FAM13C: variants seen among roughly 807,000 people sequenced by gnomAD.
FAM13C encodes family with sequence similarity 13 member C.
FAM13C carries 37 observed loss-of-function variants against 73.2 expected under a neutral mutation model. That is an observed-to-expected ratio of 0.51 (90% CI 0.39 to 0.67). The LOEUF (loss-of-function observed/expected upper bound fraction) is 0.67. Ranked by LOEUF, FAM13C falls within the 30% of genes least tolerant of loss-of-function variation. The pLI is 0.00. For missense variants in FAM13C, 589 were observed against 715.6 expected (o/e 0.82, Z 2.02); for synonymous variants, 246 against 260.9 (o/e 0.94, Z 0.55).
chr10:59,323,484 G>A (rs1489806198), intron 4 of FAM13C: 1 of 165,230 alleles, frequency 6.1e-6, no homozygotes, highest in Non-Finnish European at 1.3e-5. Flanking sequence ...GACATTTGTG[G>A]GTTCAAATTC....
At chr10:59,326,588 CA>C (rs1343588840) in intron 3 of FAM13C, among the ~76,000 whole-genome samples, 2 of 152,104 alleles carry the variant, frequency 1.3e-5, no homozygotes, top group Non-Finnish European at 2.9e-5. Flanking sequence ...TTCTTCCTTC[CA>C]GAGATCCTTA....
At chr10:59,272,394 G>A (rs1355014839) in intron 6 of FAM13C, among the ~76,000 whole-genome samples, 1 of 152,252 alleles carries the variant, frequency 6.6e-6, no homozygotes, top group Non-Finnish European at 1.5e-5. Context: ...ATATGTGTGT[G>A]TATTTGTGTA....
intron 4 of FAM13C, among the ~76,000 whole-genome samples, chr10:59,322,905 G>C (rs1850516209): frequency 2.0e-5 from 3 of 152,188 alleles, no homozygotes; most frequent in Admixed American, 1.3e-4. Context: ...GGTCAGGTAA[G>C]AGTAAACACA....
intron 4 of FAM13C, among the ~76,000 whole-genome samples, chr10:59,305,076 C>A (rs779356642): frequency 2.6e-4 from 40 of 152,166 alleles, no homozygotes; most frequent in Non-Finnish European, 4.3e-4. Flanking sequence ...AAATAAATTT[C>A]TTTTCCTTAC....
At chr10:59,264,601 G>A (rs970075916) in intron 8 of FAM13C, among the ~76,000 whole-genome samples, 3 of 152,116 alleles carry the variant, frequency 2.0e-5, no homozygotes, top group African/African-American at 7.2e-5. Flanking sequence ...CTTGCTTGTG[G>A]CTCACACACA....
chr10:59,327,428 G>GCTTA lies in FAM13C; in HGVS notation c.325-3326_325-3323dup, dbSNP rs1851305170. The stretch of plus-strand genomic sequence containing the variant: ...TTAGCCAGATGCATGAGAAGCCAAG[G>GCTTA]CTTACTTCCTTGGTAAGCCCATTTC... On this transcript the variant is annotated intron_variant, in intron 3 of 13. Coordinates refer to ENST00000618804, the MANE Select transcript of FAM13C (RefSeq NM_198215.4). 2.0e-5 allele frequency among the ~76,000 whole-genome samples: 3 copies of GCTTA among 152,196 alleles called. No individual in the cohort carries two copies. In the South Asian group the frequency reaches 6.2e-4, roughly 32 times the overall value.
At chr10:59,292,193 A>G (rs899166149) in intron 5 of FAM13C, among the ~76,000 whole-genome samples, 3 of 152,212 alleles carry the variant, frequency 2.0e-5, no homozygotes, top group Admixed American at 6.5e-5. Context: ...ATGAACTTCA[A>G]TAGTTTCTCA....
chr10:59,310,056 C>T (rs1002487380), intron 4 of FAM13C, among the ~76,000 whole-genome samples: 1 of 152,096 alleles, frequency 6.6e-6, no homozygotes, highest in Non-Finnish European at 1.5e-5. Flanking sequence ...GCTTTTGAAC[C>T]CATGACCTAG....
At chr10:59,284,563 T>A (rs919427038) in intron 5 of FAM13C, among the ~76,000 whole-genome samples, 2 of 140,776 alleles carry the variant, frequency 1.4e-5, no homozygotes, top group Non-Finnish European at 3.1e-5. Flanking sequence ...CCCTGCCACA[T>A]ACACACCCTC....
rs1844891223 is a variant in FAM13C, at chr10:59,281,262, A to G, written c.592+2101T>C. On this transcript the variant is annotated intron_variant, in intron 6 of 13. Transcript: ENST00000618804. The stretch of plus-strand genomic sequence containing the variant: ...CTAGAAATCCATCCCTGAGTTAAGA[A>G]CCATGGATCTGAGCATAAATTTCTT... 1.3e-5 allele frequency among the ~76,000 whole-genome samples: 2 copies of G among 152,158 alleles called. 1 individual carries two copies. Among genetic ancestry groups the G allele is most frequent in the South Asian group, 4.1e-4 (2 of 4,830 alleles).
intron 3 of FAM13C, among the ~76,000 whole-genome samples, chr10:59,327,117 G>A (rs1851254654): frequency 6.6e-6 from 1 of 152,138 alleles, no homozygotes; most frequent in Non-Finnish European, 1.5e-5. Context: ...AGCATGCCCA[G>A]GACAGCCTGG....
chr10:59,276,501 T>C (rs1339333422), intron 6 of FAM13C, among the ~76,000 whole-genome samples: 1 of 152,132 alleles, frequency 6.6e-6, no homozygotes, highest in Non-Finnish European at 1.5e-5. Flanking sequence ...GATAGTATGC[T>C]TTTTCCCATT....
chr10:59,336,954 C>A (rs1852801473), intron 3 of FAM13C, among the ~76,000 whole-genome samples: 2 of 152,172 alleles, frequency 1.3e-5, no homozygotes, highest in African/African-American at 4.8e-5. Context: ...AATTAGGTGG[C>A]AGCTCTTGAG....
At chr10:59,337,495 T>C (rs916283977) in intron 3 of FAM13C, among the ~76,000 whole-genome samples, 3 of 152,172 alleles carry the variant, frequency 2.0e-5, no homozygotes, top group African/African-American at 7.2e-5. Context: ...AGCAACTGAC[T>C]GGCTAGCTTA....
chr10:59,304,439 T>A (rs929299697), intron 4 of FAM13C, among the ~76,000 whole-genome samples: 7 of 152,150 alleles, frequency 4.6e-5, no homozygotes, highest in Non-Finnish European at 1.0e-4. Flanking sequence ...TCTAGGCCTG[T>A]GTCCTAAATC....
intron 8 of FAM13C, among the ~76,000 whole-genome samples, chr10:59,268,225 AAAAG>A (rs1435299252): frequency 7.0e-6 from 1 of 141,962 alleles, no homozygotes; most frequent in Non-Finnish European, 1.5e-5. Context: ...AGAAAAAAGA[AAAAG>A]AAGAAGAAGA....
At chr10:59,354,305 A>G (rs1438467168) in intron 2 of FAM13C, among the ~76,000 whole-genome samples, 1 of 152,198 alleles carries the variant, frequency 6.6e-6, no homozygotes, top group Non-Finnish European at 1.5e-5. Flanking sequence ...TCTTTCTTGC[A>G]TTACACAAAC....
intron 1 of FAM13C, chr10:59,361,240 G>A (rs1856376419): frequency 4.2e-6 from 2 of 479,900 alleles, no homozygotes; most frequent in Non-Finnish European, 6.9e-6. Flanking sequence ...CTCCACTTAA[G>A]TCTGCTCAAA....
At chr10:59,298,588 C>G (rs1485341063) in intron 5 of FAM13C, among the ~76,000 whole-genome samples, 2 of 152,164 alleles carry the variant, frequency 1.3e-5, no homozygotes, top group Non-Finnish European at 2.9e-5. Flanking sequence ...CCATACCACT[C>G]CAGATCCCCA....
Sources: allele counts gnomAD v4.1 joint callset (sites outside exome capture counted in the v4.1 genomes callset), GRCh38; gene constraint gnomAD v4.1.1; transcripts MANE v1.5; gene names NCBI Gene and HGNC (gene_info 2026-07-23, HGNC 2026-07-21).